The following SYN3 variants were observed in gnomAD, a reference collection of about 807,000 sequenced individuals.
The protein encoded by SYN3 is synapsin-3.
SYN3 carries 35 observed loss-of-function variants against 65.8 expected under a neutral mutation model. That is an observed-to-expected ratio of 0.53 (90% confidence interval 0.41 to 0.70). SYN3 has a LOEUF of 0.70. Ranked by LOEUF, SYN3 falls within the 30% of genes least tolerant of loss-of-function variation. The pLI is 0.00. For missense variants in SYN3, 680 were observed against 749.0 expected (o/e 0.91, Z 1.08); for synonymous variants, 270 against 292.9 (o/e 0.92, Z 0.80).
At chr22:32,972,721 A>G (rs1453864155) in intron 3 of SYN3, among the ~76,000 whole-genome samples, 1 of 152,152 alleles carries the variant, frequency 6.6e-6, no homozygotes, top group Non-Finnish European at 1.5e-5. Context: ...GGCTAAGTGC[A>G]GTAGCCCACA....
intron 4 of SYN3, among the ~76,000 whole-genome samples, chr22:32,871,106 G>A (rs758640540): frequency 2.0e-5 from 3 of 152,202 alleles, no homozygotes; most frequent in Admixed American, 2.0e-4. Flanking sequence ...GTCTTACTAA[G>A]AATAACCCCA....
At chr22:32,857,119 A>G in intron 6 of SYN3, 1 of 745,686 alleles carries the variant, frequency 1.3e-6, no homozygotes, top group Non-Finnish European at 2.4e-6. Flanking sequence ...TGCAGTCAAC[A>G]TGAGAGTGCA....
intron 1 of SYN3, among the ~76,000 whole-genome samples, chr22:33,053,029 C>T (rs1268862682): frequency 6.6e-6 from 1 of 152,210 alleles, no homozygotes; most frequent in African/African-American, 2.4e-5. Flanking sequence ...TAACATTTTT[C>T]TGAGCATTTT....
intron 7 of SYN3, among the ~76,000 whole-genome samples, chr22:32,571,309 G>A (rs1182267265): frequency 2.0e-5 from 3 of 151,968 alleles, no homozygotes; most frequent in Admixed American, 2.0e-4. Flanking sequence ...CAACCAGTAG[G>A]CAGCGGGAGT....
intron 6 of SYN3, among the ~76,000 whole-genome samples, chr22:32,818,464 G>A (rs1433389890): frequency 6.6e-6 from 1 of 152,194 alleles, no homozygotes; most frequent in East Asian, 1.9e-4. Context: ...TTCTGGTTGA[G>A]TGGCCTTCCC....
intron 3 of SYN3, among the ~76,000 whole-genome samples, chr22:32,978,530 C>T (rs2052276515): frequency 6.6e-6 from 1 of 152,172 alleles, no homozygotes; most frequent in Non-Finnish European, 1.5e-5. Flanking sequence ...TTCACACGCT[C>T]TTCACGCCAC....
At chr22:32,618,278 G>A (rs1444328809) in intron 6 of SYN3, among the ~76,000 whole-genome samples, 1 of 152,074 alleles carries the variant, frequency 6.6e-6, no homozygotes, top group East Asian at 1.9e-4. Flanking sequence ...ATGCCTGAGT[G>A]GGGCGAGGAG....
Position 32,801,965 on chromosome 22 carries a change from G to A in SYN3, c.711+62950C>T. On this transcript the variant is annotated intron_variant, in intron 6 of 13. Transcript: ENST00000358763. This position sits in a 1 kb window ranked among gnomAD's most constrained non-coding sequence, Gnocchi z 4.7. ...CGGCGCGCACGGCAACTTTGGAGAG[G>A]CGAGCAGCAGCCCCGGCAGCGGCGG... The A allele has an allele frequency of 6.4e-7, 1 of 1,574,712 alleles. No homozygotes were observed. Among genetic ancestry groups the A allele is most frequent in the Non-Finnish European group, 8.6e-7 (1 of 1,168,382 alleles).
At chr22:32,569,736 A>G (rs5754153) in intron 7 of SYN3, among the ~76,000 whole-genome samples, 44,261 of 151,962 alleles carry the variant, frequency 0.29, 6,954 homozygotes, top group East Asian at 0.52. Flanking sequence ...ACCTTGGGAC[A>G]TTTCTTAACT....
intron 6 of SYN3, among the ~76,000 whole-genome samples, chr22:32,697,554 T>TA: frequency 6.6e-6 from 1 of 152,108 alleles, no homozygotes; most frequent in Non-Finnish European, 1.5e-5. Flanking sequence ...TATAAGATGG[T>TA]TGTATCAGTA....
intron 6 of SYN3, among the ~76,000 whole-genome samples, chr22:32,818,978 T>G (rs115425347): frequency 6.8e-4 from 103 of 152,286 alleles, no homozygotes; most frequent in African/African-American, 2.3e-3. Flanking sequence ...ATTTCCTGCC[T>G]CCTCCTCCTC....
At chr22:32,888,483 A>G (rs760276092) in intron 4 of SYN3, among the ~76,000 whole-genome samples, 34 of 152,190 alleles carry the variant, frequency 2.2e-4, no homozygotes, top group Non-Finnish European at 4.6e-4. Context: ...GGTTACAGTT[A>G]CTCTACAGCC....
intron 6 of SYN3, chr22:32,859,669 A>C: frequency 2.4e-6 from 1 of 410,730 alleles, no homozygotes; most frequent in Non-Finnish European, 4.3e-6. Flanking sequence ...TGATAATATA[A>C]TCTCTATTTT....
chr22:32,587,252 G>T (rs1310796715), intron 7 of SYN3, among the ~76,000 whole-genome samples: 1 of 147,600 alleles, frequency 6.8e-6, no homozygotes, highest in Non-Finnish European at 1.5e-5. Flanking sequence ...AAGAGAGAGA[G>T]AAGCAGAGAA....
chr22:32,740,562 C>T (rs568741284), intron 6 of SYN3, among the ~76,000 whole-genome samples: 11 of 152,262 alleles, frequency 7.2e-5, no homozygotes, highest in African/African-American at 1.9e-4. Flanking sequence ...ACAGGTGAGA[C>T]GCAGAGTGTG....
intron 6 of SYN3, among the ~76,000 whole-genome samples, chr22:32,807,348 A>ATATATAATTT (rs1202131394): frequency 3.0e-5 from 1 of 33,424 alleles, no homozygotes; most frequent in African/African-American, 7.6e-5. Flanking sequence ...ATAATATATA[A>ATATATAATTT]ATATATAATA....
chr22:32,846,229 A>C (rs1482432606), intron 6 of SYN3, among the ~76,000 whole-genome samples: 2 of 152,198 alleles, frequency 1.3e-5, no homozygotes, highest in African/African-American at 4.8e-5. Flanking sequence ...GGATGGGTAC[A>C]TGTGATAGAG....
intron 6 of SYN3, among the ~76,000 whole-genome samples, chr22:32,610,020 C>T (rs972554404): frequency 6.6e-6 from 1 of 152,064 alleles, no homozygotes; most frequent in African/African-American, 2.4e-5. Context: ...TGGTGGCTCA[C>T]GCCTGTAATC....
chr22:32,649,988 T>C (rs1388241630), intron 6 of SYN3, among the ~76,000 whole-genome samples: 3 of 152,116 alleles, frequency 2.0e-5, no homozygotes, highest in Non-Finnish European at 2.9e-5. Flanking sequence ...TCATGACTAG[T>C]AGGCTTTGAT....
Sources: allele counts gnomAD v4.1 joint callset (sites outside exome capture counted in the v4.1 genomes callset), GRCh38; gene constraint gnomAD v4.1.1; non-coding constraint Gnocchi (gnomAD v3.1); transcripts MANE v1.5; gene names NCBI Gene and HGNC (gene_info 2026-07-23, HGNC 2026-07-21).